The following WDR19 variants were observed in gnomAD, a reference collection of about 807,000 sequenced individuals.
WDR19 encodes WD repeat-containing protein 19.
WDR19 carries 121 observed loss-of-function variants against 180.0 expected under a neutral mutation model. The observed-to-expected ratio is 0.67, with a 90% CI of 0.58 to 0.78. The LOEUF (loss-of-function observed/expected upper bound fraction) is 0.78, where lower values mean the gene tolerates loss of function less well. Ranked by LOEUF, WDR19 falls within the 30% of genes least tolerant of loss-of-function variation. The probability of loss-of-function intolerance (pLI) is 0.00; values close to 1 mark genes in which losing one functional copy is unlikely to be tolerated. For missense variants in WDR19, 1,450 were observed against 1,640.7 expected (o/e 0.88, Z 2.01); for synonymous variants, 497 against 540.7 (o/e 0.92, Z 1.12).
At chr4:39,219,190 C>T (rs1406829005) in intron 14 of WDR19, 3 of 152,120 alleles carry the variant, frequency 2.0e-5, no homozygotes, top group African/African-American at 7.2e-5. Context: ...CATTTATTAT[C>T]ATCATCAAGT....
chr4:39,192,154 CTAA>C (rs1181181414), intron 4 of WDR19, among the ~76,000 whole-genome samples: 1 of 152,162 alleles, frequency 6.6e-6, no homozygotes, highest in Non-Finnish European at 1.5e-5. Flanking sequence ...ATTGAATGGA[CTAA>C]TGTTATATTT....
At chr4:39,277,209 T>C (rs1735989933) in intron 34 of WDR19, 66 bp downstream of exon 34, 1 of 1,472,310 alleles carries the variant, frequency 6.8e-7, no homozygotes, top group Non-Finnish European at 9.1e-7. Flanking sequence ...GAATACTTGA[T>C]GTATGTCAAT....
intron 21 of WDR19, 145 bp downstream of exon 21, chr4:39,240,479 A>C: frequency 2.6e-6 from 1 of 383,216 alleles, no homozygotes; most frequent in Non-Finnish European, 4.5e-6. Flanking sequence ...CTTGCAAGGA[A>C]ATAGTTAAAT....
At chr4:39,272,914 G>A (rs930157979) in intron 31 of WDR19, 66 bp from the exon 32 acceptor site, 7 of 1,341,286 alleles carry the variant, frequency 5.2e-6, no homozygotes, top group African/African-American at 3.0e-5. Context: ...TTTATTTGGG[G>A]GAACAAAGCA....
At position 39,216,161 on chromosome 4, in the gene WDR19, G is replaced by T. The variant is rs1455398806; in HGVS notation, c.1200G>T (p.Leu400=). The T allele has an allele frequency of 6.3e-7, 1 of 1,592,000 alleles. No homozygotes were observed. Among genetic ancestry groups the T allele is most frequent in the South Asian group, 1.2e-5 (1 of 86,330 alleles). ...TTGTGGCAGTAGGTCTTTATCATCT[G>T]GCTGTAGGAATGAATAATCGAGCTT... ...PNFVAVGLYH[L]AVGMNNRAWF... is the part of the protein sequence containing the mutation. The change falls in exon 12 of 37, where the codon CTG becomes CTT. Residue 400 remains leucine, a synonymous_variant. Transcript: ENST00000399820.
At chr4:39,218,773 A>G (rs767294050) in intron 14 of WDR19, 2 of 152,334 alleles carry the variant, frequency 1.3e-5, no homozygotes, top group Non-Finnish European at 2.9e-5. Flanking sequence ...TTGTAGTAAC[A>G]CTTAGCTTAA....
chr4:39,273,605 C>T (rs894431918), intron 32 of WDR19: 3 of 152,594 alleles, frequency 2.0e-5, no homozygotes, highest in African/African-American at 7.2e-5. Flanking sequence ...CACGGTGAGC[C>T]ACTCATCAGT....
chr4:39,236,923 G>A (rs1344347172), intron 20 of WDR19, among the ~76,000 whole-genome samples: 1 of 152,096 alleles, frequency 6.6e-6, no homozygotes, highest in Non-Finnish European at 1.5e-5. Context: ...TAATTTTAGA[G>A]GCATTTAGGA....
chr4:39,232,071 G>T, intron 18 of WDR19, 91 bp from the exon 19 acceptor site: 1 of 1,500,392 alleles, frequency 6.7e-7, no homozygotes, highest in Non-Finnish European at 9.2e-7. Flanking sequence ...TCGATAGAAC[G>T]TTACCACTTC....
chr4:39,231,315 CAAAAAAAAAAAAA>C (rs56002679), intron 17 of WDR19, among the ~76,000 whole-genome samples: 2 of 87,282 alleles, frequency 2.3e-5, no homozygotes, highest in Non-Finnish European at 2.4e-5. Flanking sequence ...ACTCCGTCTT[CAAAAAAAAAAAAA>C]AAAAAAAAAG....
intron 9 of WDR19, among the ~76,000 whole-genome samples, chr4:39,211,973 GAGAGAGAGAGAGAT>G (rs1371991100): frequency 2.6e-4 from 24 of 93,324 alleles, no homozygotes; most frequent in Non-Finnish European, 4.9e-4. Flanking sequence ...GAGAGAGAGA[GAGAGAGAGAGAGAT>G]AGATAGATGT....
At chr4:39,263,499 G>A (rs528525690) in intron 28 of WDR19, among the ~76,000 whole-genome samples, 17 of 151,964 alleles carry the variant, frequency 1.1e-4, no homozygotes, top group African/African-American at 2.7e-4. Flanking sequence ...CATTCCATCC[G>A]CACCCTGCCG....
intron 28 of WDR19, among the ~76,000 whole-genome samples, chr4:39,263,477 A>T (rs1734494238): frequency 6.6e-6 from 1 of 151,984 alleles, no homozygotes; most frequent in East Asian, 1.9e-4. Flanking sequence ...CTTCAATGCC[A>T]GTGCCCCTCA....
chr4:39,232,559 A>T (rs1261514007), intron 19 of WDR19, among the ~76,000 whole-genome samples: 1 of 152,050 alleles, frequency 6.6e-6, no homozygotes, highest in Admixed American at 6.6e-5. Flanking sequence ...TGGGAGGTGG[A>T]GGTTGCAGTG....
At chr4:39,220,800 G>A (rs1322616618) in intron 14 of WDR19, among the ~76,000 whole-genome samples, 1 of 148,320 alleles carries the variant, frequency 6.7e-6, no homozygotes, top group Non-Finnish European at 1.5e-5. Flanking sequence ...AAGGCACCGT[G>A]CCCAGCTGAA....
At chr4:39,219,925 T>G (rs1320187678) in intron 14 of WDR19, among the ~76,000 whole-genome samples, 3 of 152,114 alleles carry the variant, frequency 2.0e-5, no homozygotes, top group African/African-American at 7.2e-5. Flanking sequence ...GTTTTCCACT[T>G]TAGCAAAATA....
chr4:39,251,991 A>T (rs1344978738), intron 24 of WDR19, among the ~76,000 whole-genome samples: 1 of 152,220 alleles, frequency 6.6e-6, no homozygotes, highest in Non-Finnish European at 1.5e-5. Flanking sequence ...CATTTGACCC[A>T]GCCATCCCAT....
chr4:39,240,325 T>G lies in WDR19; in HGVS notation c.2412T>G (p.Gly804=). The G allele has an allele frequency of 1.4e-6, 2 of 1,438,034 alleles. No individual in the cohort carries two copies. The highest frequency in any genetic ancestry group is 1.8e-6 in the Non-Finnish European group (2 of 1,092,202). The allele number at this position is 1,438,034 out of a possible 1,614,324, so 89.1% of individuals were successfully genotyped here. The change falls in exon 21 of 37, where the codon GGT becomes GGG. Residue 804 remains glycine, a synonymous_variant. Transcript: ENST00000399820. ...ALAHYEKGIT[G]DNKEHDEACL... is the part of the protein sequence containing the mutation. Reference sequence around the variant, plus strand: ...CTCATTATGAGAAAGGAATAACAGGTGATAATAAGGTAACCTTGGATAAAG... The same window carrying G: ...CTCATTATGAGAAAGGAATAACAGGGGATAATAAGGTAACCTTGGATAAAG...
intron 24 of WDR19, among the ~76,000 whole-genome samples, chr4:39,245,883 T>C (rs1732468574): frequency 6.6e-6 from 1 of 152,186 alleles, no homozygotes; most frequent in South Asian, 2.1e-4. Context: ...TAACTATCCA[T>C]TGCTATATTT....
Sources: gnomAD v4.1 joint callset for allele counts (sites outside exome capture counted in the v4.1 genomes callset) on GRCh38, gnomAD v4.1.1 for gene constraint, MANE v1.5 for transcripts, NCBI Gene and HGNC (gene_info 2026-07-23, HGNC 2026-07-21) for gene names.